The following NWD2 variants were observed in gnomAD, a reference collection of about 807,000 sequenced individuals.
NWD2 encodes the protein NACHT and WD repeat domain-containing protein 2.
A neutral mutation model predicts 132.7 loss-of-function variants in NWD2; 37 were observed. That is an observed-to-expected ratio of 0.28 (90% CI 0.21 to 0.37). The LOEUF (loss-of-function observed/expected upper bound fraction) is 0.37. Ranked by LOEUF, NWD2 falls within the 10% of genes least tolerant of loss-of-function variation. The pLI is 1.00. For missense variants in NWD2, 1,592 were observed against 2,122.4 expected (o/e 0.75, Z 4.91); for synonymous variants, 705 against 803.0 (o/e 0.88, Z 2.06).
chr4:37,359,913 T>C (rs1437242500), intron 3 of NWD2, among the ~76,000 whole-genome samples: 1 of 152,212 alleles, frequency 6.6e-6, no homozygotes, highest in African/African-American at 2.4e-5. Flanking sequence ...TGGACATGTG[T>C]CTGGTCCTGC....
At chr4:37,405,729 C>CTTTTTTA (rs1720990321) in intron 3 of NWD2, among the ~76,000 whole-genome samples, 1 of 152,144 alleles carries the variant, frequency 6.6e-6, no homozygotes, top group Non-Finnish European at 1.5e-5. Flanking sequence ...AGAGTGAGGT[C>CTTTTTTA]TAAGGGACGC....
At chr4:37,313,945 G>A (rs994299340) in intron 1 of NWD2, among the ~76,000 whole-genome samples, 10 of 150,534 alleles carry the variant, frequency 6.6e-5, no homozygotes, top group African/African-American at 2.3e-4. Context: ...ATCTGCACAC[G>A]TCGGCCTCCC....
chr4:37,410,746 T>C (rs111841718), intron 3 of NWD2, among the ~76,000 whole-genome samples: 10,381 of 152,172 alleles, frequency 0.068, 657 homozygotes, highest in African/African-American at 0.16. Context: ...TAATTGGAAG[T>C]AAAACACTCC....
intron 1 of NWD2, among the ~76,000 whole-genome samples, chr4:37,312,610 A>G (rs1718870275): frequency 1.3e-5 from 2 of 150,882 alleles, no homozygotes; most frequent in South Asian, 4.1e-4. Context: ...TCCTAATTGA[A>G]TACCCTTTAT....
chr4:37,253,009 C>G (rs879447921), intron 1 of NWD2, among the ~76,000 whole-genome samples: 13 of 151,188 alleles, frequency 8.6e-5, no homozygotes, highest in Non-Finnish European at 1.6e-4. Context: ...CAACCCCCCC[C>G]CCTTATGTTT....
intron 3 of NWD2, among the ~76,000 whole-genome samples, chr4:37,392,026 C>A (rs1720688392): frequency 6.6e-6 from 1 of 152,014 alleles, no homozygotes; most frequent in Non-Finnish European, 1.5e-5. Context: ...CATGGTGAAA[C>A]CCTGTCTCTA....
At chr4:37,407,561 G>A (rs781192089) in intron 3 of NWD2, among the ~76,000 whole-genome samples, 5 of 152,184 alleles carry the variant, frequency 3.3e-5, no homozygotes, top group Admixed American at 2.0e-4. Context: ...AATCAGTGAC[G>A]TGAGAGGGAG....
At position 37,326,011 on chromosome 4, in the gene NWD2, G is replaced by A. The variant is rs1343180255; in HGVS notation, c.227G>A (p.Gly76Glu). 6.5e-7 allele frequency: 1 copy of A among 1,538,874 alleles called. No homozygotes were observed. Among genetic ancestry groups the A allele is most frequent in the Non-Finnish European group, 8.8e-7 (1 of 1,136,146 alleles). The change falls in exon 2 of 7, where the codon GGA becomes GAA. Residue 76 changes from glycine (G) to glutamate (E), a missense_variant. Coordinates refer to ENST00000309447, the MANE Select transcript of NWD2 (RefSeq NM_001144990.2). ...KLREFCRENYGLEFQVIDLYW... is the reference protein window; with the variant it reads ...KLREFCRENYELEFQVIDLYW... ...AGAGAATTCTGCAGAGAAAACTATG[G>A]ATTGGAATTTCAGGTAATTCTAGTG... is the stretch of plus-strand genomic sequence containing the variant.
chr4:37,278,170 T>C (rs1174194806), intron 1 of NWD2, among the ~76,000 whole-genome samples: 3 of 152,162 alleles, frequency 2.0e-5, no homozygotes, highest in African/African-American at 2.4e-5. Flanking sequence ...CTCTAACTTT[T>C]ATCTGTGCCC....
At chr4:37,401,794 G>GGGC (rs1720900536) in intron 3 of NWD2, among the ~76,000 whole-genome samples, 1 of 152,120 alleles carries the variant, frequency 6.6e-6, no homozygotes, top group Non-Finnish European at 1.5e-5. Context: ...TCAGACCTCT[G>GGGC]AACTTCTGCC....
chr4:37,386,186 G>C (rs1239423543), intron 3 of NWD2, among the ~76,000 whole-genome samples: 1 of 151,978 alleles, frequency 6.6e-6, no homozygotes, highest in Non-Finnish European at 1.5e-5. Context: ...GATTTCCAGG[G>C]ATTTCTACAG....
intron 3 of NWD2, among the ~76,000 whole-genome samples, chr4:37,397,283 TTA>T: frequency 6.6e-6 from 1 of 152,296 alleles, no homozygotes; most frequent in East Asian, 1.9e-4. Context: ...AGGGTTAGTT[TTA>T]TGTGTCAAAT....
intron 3 of NWD2, among the ~76,000 whole-genome samples, chr4:37,375,307 T>C (rs1720324577): frequency 6.6e-6 from 1 of 152,240 alleles, no homozygotes; most frequent in Non-Finnish European, 1.5e-5. Context: ...TATATAACAA[T>C]TGCCTATAAT....
intron 1 of NWD2, among the ~76,000 whole-genome samples, chr4:37,253,812 TAAAA>T (rs1357282018): frequency 6.6e-6 from 1 of 152,164 alleles, no homozygotes; most frequent in Non-Finnish European, 1.5e-5. Context: ...ATGGGCAAAT[TAAAA>T]AAGTAAAAAC....
intron 3 of NWD2, among the ~76,000 whole-genome samples, chr4:37,390,231 TATACTTTAAGTATATGTAC>T (rs1235582267): frequency 7.1e-5 from 10 of 141,308 alleles, no homozygotes; most frequent in East Asian, 5.9e-4. Context: ...TATATGTACA[TATACTTTAAGTATATGTAC>T]ATACTTTAAG....
intron 6 of NWD2, among the ~76,000 whole-genome samples, chr4:37,442,004 A>G (rs1712498572): frequency 6.6e-6 from 1 of 152,218 alleles, no homozygotes; most frequent in Non-Finnish European, 1.5e-5. Context: ...CGGTGTTTTC[A>G]GATTTACCAC....
At chr4:37,315,014 A>G (rs1718930662) in intron 1 of NWD2, among the ~76,000 whole-genome samples, 1 of 152,144 alleles carries the variant, frequency 6.6e-6, no homozygotes, top group Non-Finnish European at 1.5e-5. Flanking sequence ...TGCATGAGTA[A>G]TAATGTCAAA....
chr4:37,308,622 G>A (rs937953626), intron 1 of NWD2, among the ~76,000 whole-genome samples: 4 of 152,182 alleles, frequency 2.6e-5, no homozygotes, highest in African/African-American at 9.7e-5. Flanking sequence ...GCTGGCAGTG[G>A]CAGTCCCTGG....
intron 1 of NWD2, among the ~76,000 whole-genome samples, chr4:37,283,410 C>T (rs1191468336): frequency 6.6e-6 from 1 of 152,048 alleles, no homozygotes; most frequent in Non-Finnish European, 1.5e-5. Context: ...GTATATGTTA[C>T]CTAAGCCTTC....
Sources: allele counts gnomAD v4.1 joint callset (sites outside exome capture counted in the v4.1 genomes callset), GRCh38; gene constraint gnomAD v4.1.1; transcripts MANE v1.5; gene names NCBI Gene and HGNC (gene_info 2026-07-23, HGNC 2026-07-21).